MAD1L1: variants seen among roughly 807,000 people sequenced by gnomAD.
The protein encoded by MAD1L1 is mitotic spindle assembly checkpoint protein MAD1.
In MAD1L1, 95 loss-of-function variants were observed where a neutral mutation model predicts 96.9. That is an observed-to-expected ratio of 0.98 (90% CI 0.83 to 1.16). The LOEUF (loss-of-function observed/expected upper bound fraction) is 1.16. MAD1L1 is among the 50% of genes most tolerant of loss of function. The probability of loss-of-function intolerance (pLI) is 0.00; values close to 1 mark genes in which losing one functional copy is unlikely to be tolerated. For missense variants in MAD1L1, 1,007 were observed against 954.4 expected, an observed-to-expected ratio of 1.06 and a Z score of -0.73; for synonymous variants, 473 against 396.6, an observed-to-expected ratio of 1.19 and a Z score of -2.29.
chr7:2,009,384 G>T (rs1782187288), intron 13 of MAD1L1, among the ~76,000 whole-genome samples: 1 of 152,220 alleles, frequency 6.6e-6, no homozygotes, highest in Admixed American at 6.5e-5. Flanking sequence ...ACAAAGGCTG[G>T]AGCTAGGGGA....
intron 13 of MAD1L1, among the ~76,000 whole-genome samples, chr7:2,010,539 C>A (rs1346275062): frequency 6.6e-6 from 1 of 152,224 alleles, no homozygotes; most frequent in Non-Finnish European, 1.5e-5. Context: ...ATGCTACGGG[C>A]TCCCGCAGCC....
At chr7:1,930,766 G>A (rs150527844) in intron 17 of MAD1L1, among the ~76,000 whole-genome samples, 267 of 151,566 alleles carry the variant, frequency 1.8e-3, no homozygotes, top group South Asian at 5.0e-3. Context: ...GACACTGGGC[G>A]CTGTCTCAGG....
rs188987608 is a variant in MAD1L1 at position 2,063,223 on chromosome 7, G to C, written c.1218+5971C>G. The stretch of plus-strand genomic sequence containing the variant: ...ACGAGAACAGTGAAAAGAAAGACTG[G>C]ACGTGGGGTGGGTGGGACCTCACTG... On this transcript the variant is annotated intron_variant, in intron 12 of 18. Coordinates refer to ENST00000265854, the MANE Select transcript of MAD1L1 (RefSeq NM_001013836.2). 1.3e-3 allele frequency among the ~76,000 whole-genome samples: 200 copies of C among 152,360 alleles called. 4 individuals carry two copies. Among genetic ancestry groups the C allele is most frequent in the Admixed American group, 0.011 (171 of 15,306 alleles).
chr7:2,195,532 C>G (rs1205684636), intron 10 of MAD1L1, among the ~76,000 whole-genome samples: 5 of 152,206 alleles, frequency 3.3e-5, no homozygotes, highest in Admixed American at 3.3e-4. Context: ...AACAGCAGTG[C>G]TCTGAAAAAT....
chr7:2,156,585 C>T (rs924024066), intron 10 of MAD1L1, among the ~76,000 whole-genome samples: 96 of 152,206 alleles, frequency 6.3e-4, no homozygotes, highest in Middle Eastern at 3.4e-3. Context: ...TTTGGGAGGC[C>T]GAGGCAGGCG....
chr7:1,946,456 C>A (rs1779233235), intron 16 of MAD1L1, among the ~76,000 whole-genome samples: 1 of 152,240 alleles, frequency 6.6e-6, no homozygotes, highest in South Asian at 2.1e-4. Flanking sequence ...TGGCTATAAT[C>A]TTCTGCTAAA....
intron 18 of MAD1L1, among the ~76,000 whole-genome samples, chr7:1,858,521 G>C (rs1583575214): frequency 6.6e-6 from 1 of 152,328 alleles, no homozygotes; most frequent in African/African-American, 2.4e-5. Context: ...GCACACCTGA[G>C]GGACAGGCGT....
chr7:2,076,742 G>A (rs1166707684), intron 11 of MAD1L1, among the ~76,000 whole-genome samples: 3 of 152,110 alleles, frequency 2.0e-5, no homozygotes, highest in Non-Finnish European at 2.9e-5. Context: ...ACGACTTGGT[G>A]AGCCCGCAAC....
At chr7:2,198,822 C>A (rs964688564) in intron 10 of MAD1L1, among the ~76,000 whole-genome samples, 5 of 152,206 alleles carry the variant, frequency 3.3e-5, no homozygotes, top group African/African-American at 7.2e-5. Flanking sequence ...TCAGGCTGGG[C>A]AAGGATGGGC....
intron 12 of MAD1L1, 125 bp downstream of exon 12, chr7:2,069,069 G>A: frequency 7.6e-7 from 1 of 1,309,360 alleles, no homozygotes; most frequent in Non-Finnish European, 1.0e-6. Context: ...TGGCAACCCA[G>A]GGCCAAAGTG....
intron 13 of MAD1L1, among the ~76,000 whole-genome samples, chr7:2,008,601 G>A (rs1221350047): frequency 6.6e-6 from 1 of 152,228 alleles, no homozygotes; most frequent in Non-Finnish European, 1.5e-5. Context: ...TGGGCTGACG[G>A]CTGGGAACAC....
At chr7:2,028,341 C>A (rs61096774) in intron 12 of MAD1L1, among the ~76,000 whole-genome samples, 2 of 149,982 alleles carry the variant, frequency 1.3e-5, no homozygotes, top group Non-Finnish European at 2.9e-5. Context: ...AAGAGAATGG[C>A]GCGAACCCAG....
chr7:1,835,854 AGGCAATTCCCAGAACTGAG>A (rs1426421748), intron 18 of MAD1L1, among the ~76,000 whole-genome samples: 2 of 152,200 alleles, frequency 1.3e-5, no homozygotes, highest in Non-Finnish European at 2.9e-5. Context: ...GGAAAGGGGT[AGGCAATTCCCAGAACTGAG>A]GGTTCTTCCC....
intron 10 of MAD1L1, among the ~76,000 whole-genome samples, chr7:2,177,928 C>T (rs913061853): frequency 8.8e-5 from 13 of 148,190 alleles, no homozygotes; most frequent in African/African-American, 2.4e-4. Flanking sequence ...GCAACCCTTA[C>T]ACCACTTTCA....
chr7:2,160,682 G>A (rs1459697722), intron 10 of MAD1L1, among the ~76,000 whole-genome samples: 6 of 152,096 alleles, frequency 3.9e-5, no homozygotes, highest in East Asian at 3.9e-4. Flanking sequence ...GCCCAGGCTG[G>A]AGTGCAGTGA....
At chr7:1,848,680 A>C (rs1303268151) in intron 18 of MAD1L1, 1 of 154,416 alleles carries the variant, frequency 6.5e-6, no homozygotes, top group Non-Finnish European at 1.5e-5. Context: ...GCAGATGGGG[A>C]AGCTGAGCTC....
At position 2,069,236 on chromosome 7, in the gene MAD1L1, C is replaced by T. The variant is rs748123384; in HGVS notation, c.1176G>A (p.Ala392=). The change falls in exon 12 of 19, where the codon GCG becomes GCA. Residue 392 remains alanine, a synonymous_variant. Transcript: ENST00000265854. Reference sequence around the variant, plus strand: ...CCCGTTTCTGGAGCCTCCGGGCCAGCGCCTCGTGGGTCTCGCGCTTCTTCC... The same window carrying T: ...CCCGTTTCTGGAGCCTCCGGGCCAGTGCCTCGTGGGTCTCGCGCTTCTTCC... ...EERKKRETHE[A]LARRLQKRVL... 3.4e-5 allele frequency: 54 copies of T among 1,610,444 alleles called. No individual in the cohort carries two copies. Among genetic ancestry groups the T allele is most frequent in the South Asian group, 2.1e-4 (19 of 90,670 alleles).
In MAD1L1 at chr7:1,968,503, C is replaced by G. The variant is rs1780270098; in HGVS notation, c.1506-10784G>C. Among the ~76,000 whole-genome samples the G allele has an allele frequency of 6.6e-6, 1 of 151,532 alleles. No homozygotes were observed. The highest frequency in any genetic ancestry group is 2.4e-5 in the African/African-American group (1 of 41,166). ...GCGGTCAGGTCCACTGTCCATGCCT[C>G]AGTCCGGCGGTCAGGTCCACCGTCA... On this transcript the variant is annotated intron_variant, in intron 15 of 18. Transcript: ENST00000265854. The surrounding 1 kb of genome is among the most constrained non-coding windows in gnomAD (Gnocchi z 5.6).
chr7:2,229,725 G>T (rs971833428), intron 3 of MAD1L1, among the ~76,000 whole-genome samples: 2 of 152,260 alleles, frequency 1.3e-5, no homozygotes, highest in African/African-American at 4.8e-5. Context: ...GAGTGCACTT[G>T]TGTGAACGCA....
Sources: allele counts gnomAD v4.1 joint callset (sites outside exome capture counted in the v4.1 genomes callset), GRCh38; gene constraint gnomAD v4.1.1; non-coding constraint Gnocchi (gnomAD v3.1); transcripts MANE v1.5; gene names NCBI Gene and HGNC (gene_info 2026-07-23, HGNC 2026-07-21).